The following SCN4B variants were observed in gnomAD, a reference collection of about 807,000 sequenced individuals.
SCN4B encodes the protein sodium channel regulatory subunit beta-4.
Under a neutral mutation model 19.6 loss-of-function variants are expected in SCN4B, and 20 were observed. The observed-to-expected ratio is 1.02, with a 90% CI of 0.72 to 1.48. The LOEUF (loss-of-function observed/expected upper bound fraction) is 1.48, where lower values mean the gene tolerates loss of function less well. Ranked by LOEUF, SCN4B falls within the 40% of genes most tolerant of loss-of-function variation. The probability of loss-of-function intolerance (pLI) is 0.00; values close to 1 mark genes in which losing one functional copy is unlikely to be tolerated. For missense variants in SCN4B, 271 were observed against 287.5 expected, an observed-to-expected ratio of 0.94 and a Z score of 0.42; for synonymous variants, 127 against 122.8, an observed-to-expected ratio of 1.03 and a Z score of -0.22.
chr11:118,146,385 G>A (rs1262792710), intron 1 of SCN4B, among the ~76,000 whole-genome samples: 1 of 152,094 alleles, frequency 6.6e-6, no homozygotes, highest in East Asian at 1.9e-4. Context: ...GGAGGCGGGG[G>A]CGGGGAGGGT....
At chr11:118,143,200 A>G (rs2135503263) in intron 3 of SCN4B, among the ~76,000 whole-genome samples, 1 of 152,230 alleles carries the variant, frequency 6.6e-6, no homozygotes. Flanking sequence ...CTGGTCAGGG[A>G]CCACCTGGCT....
rs766547503 is a variant in SCN4B at position 118,141,290 on chromosome 11, C to G, written c.510G>C (p.Val170=). 1.2e-6 allele frequency: 2 copies of G among 1,612,544 alleles called. No homozygotes were observed. Among genetic ancestry groups the G allele is most frequent in the Non-Finnish European group, 1.7e-6 (2 of 1,179,996 alleles). ...GGATGAGGAGCCCGATGACCCCGCC[C>G]ACGACAGCCAGGATGATGAGTGTCA... is the stretch of plus-strand genomic sequence containing the variant. The part of the protein sequence containing the change: ...NTVTLIILAV[V]GGVIGLLILI... The change falls in exon 4 of 5, where the codon GTG becomes GTC. Residue 170 remains valine (V), a synonymous_variant. Transcript: ENST00000324727.
rs183731930 is a variant in SCN4B, at chr11:118,148,113, G to T, written c.62-2884C>A. ...TTAAGTCCAATACACTCAGGACTCT[G>T]CAAGTGAAGCATTGCCATTTCCTCA... On this transcript the variant is annotated intron_variant, in intron 1 of 4. Transcript: ENST00000324727. This position sits in a 1 kb window ranked among gnomAD's most constrained non-coding sequence, Gnocchi z 4.0. Among the ~76,000 whole-genome samples, 537 of 152,364 alleles carry T rather than the reference G, an allele frequency of 3.5e-3. 5 individuals carry two copies. Among genetic ancestry groups the T allele is most frequent in the African/African-American group, 0.012 (499 of 41,580 alleles).
chr11:118,135,617 G>A lies in SCN4B; in HGVS notation c.*1410C>T, dbSNP rs886047722. Reference sequence around the variant, plus strand: ...GAAACCCCAATGGGAGCACCTGGCCGACATCTCCAAGATTCAGTCACTGGC... The same window carrying A: ...GAAACCCCAATGGGAGCACCTGGCCAACATCTCCAAGATTCAGTCACTGGC... On this transcript the variant is annotated 3_prime_UTR_variant, in exon 5 of 5. Coordinates refer to ENST00000324727, the MANE Select transcript of SCN4B (RefSeq NM_174934.4). 20 of 454,110 alleles carry A rather than the reference G, an allele frequency of 4.4e-5. 1 individual carries two copies. The Middle Eastern group carries it at 2.8e-3, about 63-fold the overall frequency. 28.1% of individuals were successfully genotyped at this position (454,110 alleles called of 1,614,324 possible).
chr11:118,141,418 G>A, intron 3 of SCN4B, 82 bp from the exon 4 acceptor site: 1 of 1,562,112 alleles, frequency 6.4e-7, no homozygotes, highest in Non-Finnish European at 8.8e-7. Flanking sequence ...GGCAGTGCAA[G>A]GGCCATGTAG....
Position 118,133,569 on chromosome 11 carries a change from T to C in SCN4B, c.*3458A>G. On this transcript the variant is annotated 3_prime_UTR_variant, in exon 5 of 5. Coordinates refer to ENST00000324727, the MANE Select transcript of SCN4B (RefSeq NM_174934.4). ...CTCCCAAGGCCTGTTGTTGCATCAT[T>C]TGATCTATAGTTACATAGGAAAATT... The C allele has an allele frequency of 2.2e-6, 1 of 454,470 alleles. No homozygotes were observed. The highest frequency in any genetic ancestry group is 4.4e-6 in the Non-Finnish European group (1 of 226,800). The allele number at this position is 454,470 out of a possible 1,614,324, so 28.2% of individuals were successfully genotyped here.
At position 118,135,125 on chromosome 11, in the gene SCN4B, T is replaced by G. The variant is rs1345495958; in HGVS notation, c.*1902A>C. On this transcript the variant is annotated 3_prime_UTR_variant, in exon 5 of 5. Coordinates refer to ENST00000324727, the MANE Select transcript of SCN4B (RefSeq NM_174934.4). ...TATAAGAAGTTTTCTGAATGGCTGGTGGCTCTGGTCTGTCTGCTCCCAAAG... is the reference window on the plus strand; with the variant it reads ...TATAAGAAGTTTTCTGAATGGCTGGGGGCTCTGGTCTGTCTGCTCCCAAAG... 1 of 454,014 alleles carries G rather than the reference T, an allele frequency of 2.2e-6. No individual in the cohort carries two copies. Among genetic ancestry groups the G allele is most frequent in the East Asian group, 6.9e-5 (1 of 14,406 alleles). 28.1% of individuals were successfully genotyped at this position (454,014 alleles called of 1,614,324 possible). A position where few individuals can be genotyped will look rare whatever the true frequency, so the allele number is the denominator to read the frequency against.
chr11:118,147,050 C>T (rs77279864), intron 1 of SCN4B, among the ~76,000 whole-genome samples: 7,505 of 152,302 alleles, frequency 0.049, 264 homozygotes, highest in Middle Eastern at 0.13. Context: ...CCGCCCAGCC[C>T]CTGGAGTTCT....
chr11:118,140,043 G>T (rs936978605), intron 4 of SCN4B, among the ~76,000 whole-genome samples: 11 of 151,892 alleles, frequency 7.2e-5, no homozygotes, highest in Non-Finnish European at 1.3e-4. Context: ...AGCATGTCTT[G>T]TTTTTGATGA....
In SCN4B at chr11:118,135,406, T is replaced by C. The variant is rs1253401283; in HGVS notation, c.*1621A>G. The C allele has an allele frequency of 8.8e-6, 4 of 454,074 alleles. No individual in the cohort carries two copies. The highest frequency in any genetic ancestry group is 4.4e-6 in the Non-Finnish European group (1 of 226,776). The allele number at this position is 454,074 out of a possible 1,614,324, so 28.1% of individuals were successfully genotyped here. On this transcript the variant is annotated 3_prime_UTR_variant, in exon 5 of 5. Transcript: ENST00000324727. Reference sequence around the variant, plus strand: ...TCTGAAAAAGGGGGCTACTCCTCTCTCATCCCTCCTAGGGGCCCAGAAGAC... The same window carrying C: ...TCTGAAAAAGGGGGCTACTCCTCTCCCATCCCTCCTAGGGGCCCAGAAGAC...
In SCN4B at chr11:118,143,851, G is replaced by A; in HGVS notation, c.445C>T (p.Leu149Phe). ...TGCATACGTCTATCAACGACTTGGA[G>A]GAAGATGGTGGCGTGGTGCTGGAGA... ...NNLQHHATIF[L>F]QVVDRLEEVD... is the part of the protein sequence containing the mutation. Residue 149 changes from leucine (L) to phenylalanine (F), a missense_variant, in exon 3 of 5, where the codon CTC becomes TTC. Transcript: ENST00000324727. 2 of 1,612,560 alleles carry A rather than the reference G, an allele frequency of 1.2e-6. No individual in the cohort carries two copies. Among genetic ancestry groups the A allele is most frequent in the East Asian group, 2.2e-5 (1 of 44,894 alleles).
intron 4 of SCN4B, among the ~76,000 whole-genome samples, chr11:118,140,106 C>T (rs547006621): frequency 6.6e-6 from 1 of 152,160 alleles, no homozygotes; most frequent in South Asian, 2.1e-4. Context: ...GCTTTTAAAC[C>T]ATATATTGAC....
chr11:118,135,076 A>G lies in SCN4B; in HGVS notation c.*1951T>C, dbSNP rs1354061397. On this transcript the variant is annotated 3_prime_UTR_variant, in exon 5 of 5. Transcript: ENST00000324727. ...AATGTCACCATTGAGAAGGAAGAAG[A>G]AAACAGTTTTGCATGAAGGTAGCTA... 8.8e-6 allele frequency: 4 copies of G among 454,142 alleles called. 1 individual carries two copies. Among genetic ancestry groups the G allele is most frequent in the South Asian group, 6.2e-5 (4 of 64,476 alleles). The allele number at this position is 454,142 out of a possible 1,614,324, so 28.1% of individuals were successfully genotyped here. A position where few individuals can be genotyped will look rare whatever the true frequency, so the allele number is the denominator to read the frequency against.
At position 118,152,612 on chromosome 11, in the gene SCN4B, C is replaced by T. The variant is rs377558816; in HGVS notation, c.61+1G>A. On this transcript the variant is annotated splice_donor_variant, in intron 1 of 4. Transcript: ENST00000324727. LOFTEE classifies it high-confidence loss of function. The stretch of plus-strand genomic sequence containing the variant: ...AAGAGACCAAGCTGGGGCTGCCTTA[C>T]CCAAAAGCCCAGTGCCCAGCCATCT... 1.9e-6 allele frequency: 3 copies of T among 1,612,408 alleles called. No homozygotes were observed. The highest frequency in any genetic ancestry group is 1.1e-5 in the South Asian group (1 of 90,952).
Position 118,136,602 on chromosome 11 carries a change from C to T in SCN4B, c.*425G>A, listed in dbSNP as rs776694589. 1.7e-4 allele frequency: 77 copies of T among 455,096 alleles called. No individual in the cohort carries two copies. The highest frequency in any genetic ancestry group is 1.3e-3 in the African/African-American group (66 of 50,152). 28.2% of individuals were successfully genotyped at this position (455,096 alleles called of 1,614,324 possible). On this transcript the variant is annotated 3_prime_UTR_variant, in exon 5 of 5. Transcript: ENST00000324727. Reference sequence around the variant, plus strand: ...CCACTCCCACCTCCAAAGGAAGCCACTTCTTCCTACACCCCATCTCCAGGG... The same window carrying T: ...CCACTCCCACCTCCAAAGGAAGCCATTTCTTCCTACACCCCATCTCCAGGG...
In SCN4B at chr11:118,148,559, A is replaced by G. The variant is rs1252983285; in HGVS notation, c.62-3330T>C. Among the ~76,000 whole-genome samples, 1 of 152,170 alleles carries G rather than the reference A, an allele frequency of 6.6e-6. No individual in the cohort carries two copies. ...GCCAGGGCAGGGATGCCTCTTTCCT[A>G]CTTCTCAAGCTTGGTGTGAAGCCAG... On this transcript the variant is annotated intron_variant, in intron 1 of 4. Coordinates refer to ENST00000324727, the MANE Select transcript of SCN4B (RefSeq NM_174934.4). This position sits in a 1 kb window ranked among gnomAD's most constrained non-coding sequence, Gnocchi z 4.0.
intron 1 of SCN4B, among the ~76,000 whole-genome samples, chr11:118,147,293 A>G (rs116296287): frequency 1.1e-3 from 171 of 152,284 alleles, no homozygotes; most frequent in African/African-American, 3.3e-3. Context: ...TGAATTTGAG[A>G]CTGAGCAGTT....
chr11:118,151,804 T>A (rs1948235248), intron 1 of SCN4B, among the ~76,000 whole-genome samples: 1 of 152,242 alleles, frequency 6.6e-6, no homozygotes, highest in African/African-American at 2.4e-5. Flanking sequence ...ACATCCTGGA[T>A]GAATAAATAT....
In SCN4B at chr11:118,136,865, A is replaced by T; in HGVS notation, c.*162T>A. On this transcript the variant is annotated 3_prime_UTR_variant, in exon 5 of 5. Transcript: ENST00000324727. ...CTGGGGAGCCCTGACTGGGAAGGGG[A>T]TGGGCAGGCTGGGCAGGACTCTGGT... 2.9e-6 allele frequency: 2 copies of T among 693,050 alleles called. No homozygotes were observed. The highest frequency in any genetic ancestry group is 5.3e-6 in the Non-Finnish European group (2 of 378,250). The allele number at this position is 693,050 out of a possible 1,614,324, so 42.9% of individuals were successfully genotyped here. A position where few individuals can be genotyped will look rare whatever the true frequency, so the allele number is the denominator to read the frequency against.
Sources: gnomAD v4.1 joint callset for allele counts (sites outside exome capture counted in the v4.1 genomes callset) on GRCh38, gnomAD v4.1.1 for gene constraint, Gnocchi (gnomAD v3.1) non-coding constraint, MANE v1.5 for transcripts, NCBI Gene and HGNC (gene_info 2026-07-23, HGNC 2026-07-21) for gene names.